The following LRIG3 variants were observed in gnomAD, a reference collection of about 807,000 sequenced individuals.
LRIG3 encodes leucine-rich repeats and immunoglobulin-like domains protein 3.
In LRIG3, 76 loss-of-function variants were observed where a neutral mutation model predicts 114.5. The observed-to-expected ratio is 0.66, with a 90% CI of 0.55 to 0.80. The LOEUF is 0.80. Ranked by LOEUF, LRIG3 falls within the 30% of genes least tolerant of loss-of-function variation. The pLI is 0.00. For synonymous variants in LRIG3, 512 were observed against 519.8 expected, an observed-to-expected ratio of 0.98 and a Z score of 0.20; for missense variants, 1,239 against 1,382.8, an observed-to-expected ratio of 0.90 and a Z score of 1.65.
rs565056381 is a variant in LRIG3 at position 58,877,339 on chromosome 12, A to G, written c.2536+61T>C. On this transcript the variant is annotated intron_variant, in intron 15 of 18. Coordinates refer to ENST00000320743, the MANE Select transcript of LRIG3 (RefSeq NM_153377.5). The stretch of plus-strand genomic sequence containing the variant: ...ACTGCAAGACACACGTTCTAGAAGT[A>G]TTTGCAGAACCACAAATACACATGA... 1.4e-4 allele frequency: 213 copies of G among 1,529,208 alleles called. No homozygotes were observed. In the African/African-American group the frequency reaches 2.5e-3, roughly 18 times the overall value. The allele number at this position is 1,529,208 out of a possible 1,614,324, so 94.7% of individuals were successfully genotyped here.
Position 58,914,212 on chromosome 12 carries a change from T to C in LRIG3, c.308+53A>G, listed in dbSNP as rs148855237. 1.0e-4 allele frequency: 155 copies of C among 1,552,906 alleles called. 1 individual carries two copies. In the African/African-American group the frequency reaches 1.9e-3, roughly 19 times the overall value. On this transcript the variant is annotated intron_variant, in intron 2 of 18. Transcript: ENST00000320743. ...AAGTATTCCTTACGGTTAAATAGTA[T>C]AAGGGGTAACGTATTTTACTCAAAC... is the stretch of plus-strand genomic sequence containing the variant.
chr12:58,906,117 G>A (rs749637050), intron 3 of LRIG3, among the ~76,000 whole-genome samples: 23 of 152,078 alleles, frequency 1.5e-4, no homozygotes, highest in Non-Finnish European at 3.4e-4. Context: ...CAGAGTATAA[G>A]GATGGGATAT....
At chr12:58,879,898 G>A (rs1267235093) in intron 13 of LRIG3, among the ~76,000 whole-genome samples, 2 of 152,234 alleles carry the variant, frequency 1.3e-5, no homozygotes, top group Non-Finnish European at 2.9e-5. Context: ...TCACGCAGGA[G>A]TGGCAGGATT....
intron 3 of LRIG3, among the ~76,000 whole-genome samples, chr12:58,893,298 T>C (rs1444320729): frequency 6.6e-6 from 1 of 152,218 alleles, no homozygotes; most frequent in Non-Finnish European, 1.5e-5. Context: ...TGGATTGTCT[T>C]TTTCCAACTT....
At chr12:58,879,916 A>T (rs1871062360) in intron 13 of LRIG3, among the ~76,000 whole-genome samples, 1 of 152,208 alleles carries the variant, frequency 6.6e-6, no homozygotes, top group Admixed American at 6.5e-5. Flanking sequence ...ATTCACACAC[A>T]GATCTCTGAA....
intron 10 of LRIG3, among the ~76,000 whole-genome samples, chr12:58,885,593 T>C (rs1871250166): frequency 6.6e-6 from 1 of 152,102 alleles, no homozygotes; most frequent in South Asian, 2.1e-4. Context: ...ATTAAGGAGA[T>C]ATAGCTTTTG....
chr12:58,887,070 C>A, intron 8 of LRIG3, 180 bp from the exon 9 acceptor site: 1 of 526,784 alleles, frequency 1.9e-6, no homozygotes. Flanking sequence ...CTGATTCCCT[C>A]AACAACATTT....
At chr12:58,883,678 C>G in intron 10 of LRIG3, 87 bp from the exon 11 acceptor site, 1 of 881,490 alleles carries the variant, frequency 1.1e-6, no homozygotes, top group Non-Finnish European at 1.7e-6. Flanking sequence ...CTGCCCACCC[C>G]ATTTGCCAAA....
At chr12:58,881,277 C>A (rs1249800607) in intron 12 of LRIG3, among the ~76,000 whole-genome samples, 1 of 152,130 alleles carries the variant, frequency 6.6e-6, no homozygotes, top group Non-Finnish European at 1.5e-5. Context: ...TCAGAAACTG[C>A]AATTGTTCCC....
chr12:58,878,894 A>G lies in LRIG3; in HGVS notation c.2013T>C (p.Ile671=), dbSNP rs1288934490. The part of the protein sequence containing the change: ...FFIVDVKIED[I]GVYSCTAQNS... ...TCTGAGCTGTGCAGCTGTATACCCC[A>G]ATGTCCTCTATCTTCACATCCACGA... Residue 671 remains isoleucine (I), a synonymous_variant, in exon 14 of 19, where the codon ATT becomes ATC. Coordinates refer to ENST00000320743, the MANE Select transcript of LRIG3 (RefSeq NM_153377.5). 2 of 1,614,052 alleles carry G rather than the reference A, an allele frequency of 1.2e-6. No individual in the cohort carries two copies. Among genetic ancestry groups the G allele is most frequent in the African/African-American group, 1.3e-5 (1 of 74,918 alleles).
chr12:58,888,294 T>C (rs368988844), intron 7 of LRIG3, 35 bp downstream of exon 7: 1 of 1,600,100 alleles, frequency 6.2e-7, no homozygotes, highest in African/African-American at 1.3e-5. Flanking sequence ...ATCCCTGCTC[T>C]CAAACCTGAG....
chr12:58,920,334 G>T lies in LRIG3; in HGVS notation c.-99C>A. ...GCCGAGGGTGCACGCCCGCCCTCGC[G>T]GTCGCGTGCGCGCTCCTCCCTCGCG... On this transcript the variant is annotated 5_prime_UTR_variant, in exon 1 of 19. Transcript: ENST00000320743. 1.1e-6 allele frequency: 1 copy of T among 870,770 alleles called. No individual in the cohort carries two copies. The highest frequency in any genetic ancestry group is 1.6e-6 in the Non-Finnish European group (1 of 643,636). The allele number at this position is 870,770 out of a possible 1,614,324, so 53.9% of individuals were successfully genotyped here. A position where few individuals can be genotyped will look rare whatever the true frequency, so the allele number is the denominator to read the frequency against.
chr12:58,916,830 G>C (rs574340861), intron 1 of LRIG3, among the ~76,000 whole-genome samples: 1 of 152,212 alleles, frequency 6.6e-6, no homozygotes, highest in South Asian at 2.1e-4. Context: ...AAATATATAT[G>C]AAAATAATCA....
chr12:58,910,563 G>A (rs996656331), intron 3 of LRIG3, among the ~76,000 whole-genome samples: 1 of 152,098 alleles, frequency 6.6e-6, no homozygotes, highest in African/African-American at 2.4e-5. Context: ...AGCTGAGATT[G>A]AGCCACTGCA....
chr12:58,894,114 T>C (rs1317459528), intron 3 of LRIG3, among the ~76,000 whole-genome samples: 1 of 152,292 alleles, frequency 6.6e-6, no homozygotes, highest in African/African-American at 2.4e-5. Flanking sequence ...TGCCAATTAC[T>C]TGAGTGACGA....
chr12:58,919,621 T>G, intron 1 of LRIG3: 1 of 1,489,128 alleles, frequency 6.7e-7, no homozygotes, highest in South Asian at 1.3e-5. Flanking sequence ...CAGCGAGAAC[T>G]GCAAACTCCT....
Position 58,883,004 on chromosome 12 carries a change from C to T in LRIG3, c.1345G>A (p.Asp449Asn), listed in dbSNP as rs146931795. The change falls in exon 12 of 19, where the codon GAT becomes AAT. Residue 449 changes from aspartate (D) to asparagine (N), a missense_variant. Transcript: ENST00000320743. ...LHLNTSSLLC[D>N]CQLKWLPQWV... Reference sequence around the variant, plus strand: ...TGTGGGAGCCATTTTAGCTGGCAATCGCACAAAAGGCTTGATGTATTTAAA... The same window carrying T: ...TGTGGGAGCCATTTTAGCTGGCAATTGCACAAAAGGCTTGATGTATTTAAA... The T allele has an allele frequency of 4.9e-5, 79 of 1,613,822 alleles. No individual in the cohort carries two copies. Among genetic ancestry groups the T allele is most frequent in the African/African-American group, 4.8e-4 (36 of 75,020 alleles).
At chr12:58,880,928 A>G in intron 12 of LRIG3, 27 bp from the exon 13 acceptor site, 2 of 1,594,468 alleles carry the variant, frequency 1.3e-6, no homozygotes, top group East Asian at 4.5e-5. Context: ...GGAGGAGACA[A>G]AACAATGTTA....
At chr12:58,910,242 T>A (rs1872225657) in intron 3 of LRIG3, among the ~76,000 whole-genome samples, 1 of 152,224 alleles carries the variant, frequency 6.6e-6, no homozygotes, top group Admixed American at 6.5e-5. Context: ...ATATTGCATA[T>A]GTTAAAATGG....
Sources: allele counts gnomAD v4.1 joint callset (sites outside exome capture counted in the v4.1 genomes callset), GRCh38; gene constraint gnomAD v4.1.1; transcripts MANE v1.5; gene names NCBI Gene and HGNC (gene_info 2026-07-23, HGNC 2026-07-21).